DOCK1: variants seen among roughly 807,000 people sequenced by gnomAD.
DOCK1 encodes the protein dedicator of cytokinesis 1, also known as dedicator of cytokinesis protein 1.
Under a neutral mutation model 262.7 loss-of-function variants are expected in DOCK1, and 138 were observed. The observed-to-expected ratio is 0.53, with a 90% CI of 0.46 to 0.61. The LOEUF (loss-of-function observed/expected upper bound fraction) is 0.61. Among genes scored for constraint, DOCK1 ranks in the 20% least tolerant of loss-of-function variants. DOCK1 has a pLI of 0.00. For missense variants in DOCK1, 1,908 were observed against 2,370.7 expected (o/e 0.80, Z 4.05); for synonymous variants, 866 against 867.4 (o/e 1.00, Z 0.03).
chr10:127,349,341 T>G (rs1426537878), intron 31 of DOCK1, among the ~76,000 whole-genome samples: 4 of 152,086 alleles, frequency 2.6e-5, no homozygotes, highest in Non-Finnish European at 5.9e-5. Context: ...ACATGTTTCT[T>G]CTTTCCCTCC....
Position 127,447,505 on chromosome 10 carries a change from T to C in DOCK1, c.5525T>C (p.Leu1842Pro), listed in dbSNP as rs1445764860. 6.2e-7 allele frequency: 1 copy of C among 1,613,830 alleles called. No homozygotes were observed. The highest frequency in any genetic ancestry group is 8.5e-7 in the Non-Finnish European group (1 of 1,179,876). Reference sequence around the variant, plus strand: ...AATTTGATGGAAAACCAGGACTTGCTGGGCTCGCCAACACCTCCACCTCCC... The same window carrying C: ...AATTTGATGGAAAACCAGGACTTGCCGGGCTCGCCAACACCTCCACCTCCC... The part of the protein sequence containing the change: ...YGNLMENQDL[L>P]GSPTPPPPPP... Residue 1842 changes from leucine (L) to proline (P), a missense_variant, in exon 51 of 52, where the codon CTG becomes CCG. This residue lies in a region of DOCK1 where 383 missense variants were observed against 420.1 expected (regional missense o/e 0.91). Coordinates refer to ENST00000623213, the MANE Select transcript of DOCK1 (RefSeq NM_001290223.2).
chr10:127,305,370 T>C (rs1443067125), intron 29 of DOCK1, among the ~76,000 whole-genome samples: 1 of 152,170 alleles, frequency 6.6e-6, no homozygotes. Context: ...CACTGGTCAG[T>C]GGTCAGTGTA....
intron 27 of DOCK1, among the ~76,000 whole-genome samples, chr10:127,188,416 A>G (rs2056471312): frequency 6.6e-6 from 1 of 152,198 alleles, no homozygotes. Context: ...TTGGAGACGC[A>G]AAACATTTAG....
intron 27 of DOCK1, among the ~76,000 whole-genome samples, chr10:127,157,845 CAGG>C (rs1186418438): frequency 1.3e-5 from 2 of 152,176 alleles, no homozygotes. Flanking sequence ...TGAATGTCAG[CAGG>C]AGATTAATTT....
intron 1 of DOCK1, among the ~76,000 whole-genome samples, chr10:126,968,574 T>C (rs1235585048): frequency 3.3e-5 from 5 of 152,358 alleles, no homozygotes; most frequent in Non-Finnish European, 2.9e-5. Flanking sequence ...ATTATGTGTA[T>C]GTGCTTTACA....
intron 30 of DOCK1, among the ~76,000 whole-genome samples, chr10:127,342,419 T>C (rs571197408): frequency 2.0e-5 from 3 of 152,306 alleles, no homozygotes; most frequent in East Asian, 1.9e-4. Flanking sequence ...CTGCTTCATG[T>C]GTTACCTGTA....
chr10:127,093,242 C>CTTTTCTTTTCTTTCTTTCTTTCTTTCT lies in DOCK1; in HGVS notation c.2446-12985_2446-12984insCTTTTCTTTCTTTCTTTCTTTCTTTTT, dbSNP rs2047679021. On this transcript the variant is annotated intron_variant, in intron 23 of 51. Transcript: ENST00000623213. The stretch of plus-strand genomic sequence containing the variant: ...TCTTTTCTTTCTTTCTTTCTTTCTT[C>CTTTTCTTTTCTTTCTTTCTTTCTTTCT]TTTTTTTTTTTTTTTTTTTTGGAGA... 1.4e-4 allele frequency among the ~76,000 whole-genome samples: 11 copies of CTTTTCTTTTCTTTCTTTCTTTCTTTCT among 79,314 alleles called. 1 individual carries two copies. The highest frequency in any genetic ancestry group is 3.3e-4 in the African/African-American group (5 of 15,040). 52.0% of individuals were successfully genotyped at this position (79,314 alleles called of 152,430 possible).
At chr10:127,366,087 C>G (rs1046419289) in intron 33 of DOCK1, among the ~76,000 whole-genome samples, 1 of 152,012 alleles carries the variant, frequency 6.6e-6, no homozygotes, top group Non-Finnish European at 1.5e-5. Context: ...ACAGATTCAC[C>G]CACAAGAAGG....
intron 32 of DOCK1, among the ~76,000 whole-genome samples, chr10:127,359,699 T>C (rs2133908242): frequency 6.6e-6 from 1 of 152,362 alleles, no homozygotes; most frequent in African/African-American, 2.4e-5. Flanking sequence ...AGATGTTAAT[T>C]ACATTTTGTG....
At chr10:126,991,366 G>A (rs2039773582) in intron 6 of DOCK1, among the ~76,000 whole-genome samples, 1 of 152,178 alleles carries the variant, frequency 6.6e-6, no homozygotes, top group Non-Finnish European at 1.5e-5. Flanking sequence ...TAGCAGAGCT[G>A]CAAGAAGCCT....
At chr10:127,324,515 A>G (rs2062674823) in intron 29 of DOCK1, among the ~76,000 whole-genome samples, 1 of 151,604 alleles carries the variant, frequency 6.6e-6, no homozygotes, top group Non-Finnish European at 1.5e-5. Flanking sequence ...TTCTAAACCC[A>G]TTTTGCAGAT....
At chr10:127,429,591 G>A (rs1348776495) in intron 47 of DOCK1, among the ~76,000 whole-genome samples, 1 of 152,240 alleles carries the variant, frequency 6.6e-6, no homozygotes, top group East Asian at 1.9e-4. Context: ...AGAAAGAGAA[G>A]ATGTGGACGC....
intron 27 of DOCK1, among the ~76,000 whole-genome samples, chr10:127,226,525 T>C (rs1047738899): frequency 1.3e-5 from 2 of 151,920 alleles, no homozygotes; most frequent in African/African-American, 2.4e-5. Flanking sequence ...GATGGATCGC[T>C]TGAGGTCAGG....
At chr10:127,071,862 G>A (rs1414107597) in intron 23 of DOCK1, among the ~76,000 whole-genome samples, 4 of 152,044 alleles carry the variant, frequency 2.6e-5, no homozygotes, top group African/African-American at 9.7e-5. Context: ...CCTTCACATT[G>A]CCACTTGTTA....
Position 126,911,497 on chromosome 10 carries a change from C to G in DOCK1, c.46+5934C>G, listed in dbSNP as rs373762407. Reference sequence around the variant, plus strand: ...ACCAGTGTGGAGACCACGGTTAACACCAGGTGGTCGCTTGTCAAGATGCGG... The same window carrying G: ...ACCAGTGTGGAGACCACGGTTAACAGCAGGTGGTCGCTTGTCAAGATGCGG... On this transcript the variant is annotated intron_variant, in intron 1 of 51. Transcript: ENST00000623213. Among the ~76,000 whole-genome samples, 470 of 152,286 alleles carry G rather than the reference C, an allele frequency of 3.1e-3. 6 individuals are homozygous for G. The highest frequency in any genetic ancestry group is 0.024 in the Middle Eastern group (7 of 294).
intron 27 of DOCK1, among the ~76,000 whole-genome samples, chr10:127,164,003 A>G (rs2053832793): frequency 6.6e-6 from 1 of 151,790 alleles, no homozygotes; most frequent in South Asian, 2.1e-4. Flanking sequence ...TTCATTATCA[A>G]GAATTAAAGG....
intron 25 of DOCK1, among the ~76,000 whole-genome samples, chr10:127,111,934 A>C (rs181693329): frequency 1.2e-4 from 18 of 152,174 alleles, no homozygotes; most frequent in African/African-American, 4.3e-4. Context: ...TATATTTTTA[A>C]ATTTCTGTTG....
intron 38 of DOCK1, among the ~76,000 whole-genome samples, chr10:127,401,525 A>C (rs908975951): frequency 5.9e-5 from 9 of 152,038 alleles, no homozygotes; most frequent in African/African-American, 2.2e-4. Flanking sequence ...AGCGTCGTGC[A>C]CCCCTTTTCC....
At position 127,245,327 on chromosome 10, in the gene DOCK1, A is replaced by G. The variant is rs189043455; in HGVS notation, c.2848-2681A>G. On this transcript the variant is annotated intron_variant, in intron 27 of 51. Coordinates refer to ENST00000623213, the MANE Select transcript of DOCK1 (RefSeq NM_001290223.2). ...AGAAAGGAAAGACTGAACGATGCACATGACTTCTGGAACATTTCCTTAAGT... is the reference window on the plus strand; with the variant it reads ...AGAAAGGAAAGACTGAACGATGCACGTGACTTCTGGAACATTTCCTTAAGT... Among the ~76,000 whole-genome samples the G allele has an allele frequency of 1.2e-3, 185 of 152,382 alleles. 2 individuals carry two copies. The highest frequency in any genetic ancestry group is 4.1e-3 in the African/African-American group (169 of 41,596).
Sources: allele counts gnomAD v4.1 joint callset (sites outside exome capture counted in the v4.1 genomes callset), GRCh38; gene constraint gnomAD v4.1.1; regional missense constraint gnomAD v4.1.1; transcripts MANE v1.5; gene names NCBI Gene and HGNC (gene_info 2026-07-23, HGNC 2026-07-21).